IFT57: variants seen among roughly 807,000 people sequenced by gnomAD.
The protein encoded by IFT57 is intraflagellar transport protein 57 homolog.
Under a neutral mutation model 56.8 loss-of-function variants are expected in IFT57, and 59 were observed. The observed-to-expected ratio is 1.04, with a 90% CI of 0.84 to 1.29. IFT57 has a LOEUF of 1.29. IFT57 is among the 50% of genes most tolerant of loss of function. The pLI, the probability that IFT57 is intolerant of heterozygous loss-of-function variation, is 0.00. For missense variants in IFT57, 470 were observed against 522.1 expected, an observed-to-expected ratio of 0.90 and a Z score of 0.97; for synonymous variants, 209 against 186.1, an observed-to-expected ratio of 1.12 and a Z score of -1.00.
At position 108,218,754 on chromosome 3, in the gene IFT57, T is replaced by G. The variant is rs1412502320; in HGVS notation, c.376-101A>C. ...GCTGAATGGATGTATCACTTTTCTT[T>G]CAAATGATTTACAATAACTGTAATT... On this transcript the variant is annotated intron_variant, in intron 2 of 10. Coordinates refer to ENST00000264538, the MANE Select transcript of IFT57 (RefSeq NM_018010.4). The G allele has an allele frequency of 1.5e-5, 8 of 528,266 alleles. No individual in the cohort carries two copies. The African/African-American group carries it at 1.6e-4, about 11-fold the overall frequency. The allele number at this position is 528,266 out of a possible 1,614,324, so 32.7% of individuals were successfully genotyped here. A position where few individuals can be genotyped will look rare whatever the true frequency, so the allele number is the denominator to read the frequency against.
At chr3:108,163,974 C>T (rs1488976172) in intron 9 of IFT57, among the ~76,000 whole-genome samples, 1 of 151,946 alleles carries the variant, frequency 6.6e-6, no homozygotes, top group Non-Finnish European at 1.5e-5. Context: ...TCTCATGTTG[C>T]AATATACTAA....
At position 108,160,873 on chromosome 3, in the gene IFT57, C is replaced by G. The variant is rs1262314193; in HGVS notation, c.*1604G>C. 1 of 152,170 alleles carries G rather than the reference C, an allele frequency of 6.6e-6. No homozygotes were observed. Among genetic ancestry groups the G allele is most frequent in the Non-Finnish European group, 1.5e-5 (1 of 68,026 alleles). The allele number at this position is 152,170 out of a possible 1,614,324, so 9.4% of individuals were successfully genotyped here. A position where few individuals can be genotyped will look rare whatever the true frequency, so the allele number is the denominator to read the frequency against. On this transcript the variant is annotated 3_prime_UTR_variant, in exon 11 of 11. Coordinates refer to ENST00000264538, the MANE Select transcript of IFT57 (RefSeq NM_018010.4). ...GTTCTATAGGAAGAGAGGAGGAGCA[C>G]AGAACCCAAGCTGAGTTAACTGGAA...
Position 108,161,871 on chromosome 3 carries a change from T to C in IFT57, c.*606A>G, listed in dbSNP as rs1262605992. 6.6e-6 allele frequency: 1 copy of C among 152,224 alleles called. No homozygotes were observed. Among genetic ancestry groups the C allele is most frequent in the Non-Finnish European group, 1.5e-5 (1 of 68,042 alleles). The allele number at this position is 152,224 out of a possible 1,614,324, so 9.4% of individuals were successfully genotyped here. A position where few individuals can be genotyped will look rare whatever the true frequency, so the allele number is the denominator to read the frequency against. On this transcript the variant is annotated 3_prime_UTR_variant, in exon 11 of 11. Coordinates refer to ENST00000264538, the MANE Select transcript of IFT57 (RefSeq NM_018010.4). ...ACTTATCATCATTCATTTATCCTTT[T>C]ATTTAGTGGCTTAGATCCTAGAAGA...
At chr3:108,200,280 T>G (rs931527611) in intron 5 of IFT57, among the ~76,000 whole-genome samples, 3 of 152,152 alleles carry the variant, frequency 2.0e-5, no homozygotes, top group Non-Finnish European at 2.9e-5. Context: ...TACTGTCATA[T>G]AATCCAGACA....
At chr3:108,172,151 T>C (rs116465709) in intron 6 of IFT57, among the ~76,000 whole-genome samples, 1,536 of 151,928 alleles carry the variant, frequency 0.01, 19 homozygotes, top group African/African-American at 0.035. Flanking sequence ...TAAAACTCCA[T>C]GGAGGGGCTG....
At chr3:108,218,439 A>G (rs1289760) in intron 3 of IFT57, 96 bp downstream of exon 3, 464,306 of 519,774 alleles carry the variant, frequency 0.89, 212,562 homozygotes, top group Non-Finnish European at 0.97. Context: ...ATAGTCAAAA[A>G]GAATAATTCT....
At chr3:108,170,968 G>C (rs2080089163) in intron 6 of IFT57, among the ~76,000 whole-genome samples, 1 of 151,848 alleles carries the variant, frequency 6.6e-6, no homozygotes, top group African/African-American at 2.4e-5. Context: ...CATTGTAAAA[G>C]AAAAATACAG....
intron 6 of IFT57, among the ~76,000 whole-genome samples, chr3:108,171,942 T>C (rs2080095055): frequency 7.3e-6 from 1 of 137,266 alleles, no homozygotes; most frequent in South Asian, 2.4e-4. Flanking sequence ...TATATGTATT[T>C]AGAAAAATGC....
intron 6 of IFT57, among the ~76,000 whole-genome samples, chr3:108,173,396 G>T (rs900235314): frequency 6.6e-6 from 1 of 151,594 alleles, no homozygotes. Context: ...TTTATTATTG[G>T]GCTTCATAAT....
chr3:108,173,212 T>G (rs2080103894), intron 6 of IFT57, among the ~76,000 whole-genome samples: 1 of 151,696 alleles, frequency 6.6e-6, no homozygotes, highest in Non-Finnish European at 1.5e-5. Flanking sequence ...GGAAACCAAG[T>G]AAAACTCAGT....
chr3:108,207,587 T>C (rs2080320470), intron 4 of IFT57, among the ~76,000 whole-genome samples: 1 of 152,188 alleles, frequency 6.6e-6, no homozygotes, highest in Admixed American at 6.5e-5. Context: ...TGTAGAACTA[T>C]ACAAAGCTGT....
chr3:108,162,722 T>C, intron 10 of IFT57, 67 bp from the exon 11 acceptor site: 4 of 1,258,770 alleles, frequency 3.2e-6, no homozygotes, highest in Admixed American at 3.0e-5. Flanking sequence ...CAGAATTGTA[T>C]GACATTTTCC....
At chr3:108,206,026 G>A (rs1239985927) in intron 5 of IFT57, among the ~76,000 whole-genome samples, 11,475 of 113,826 alleles carry the variant, frequency 0.1, 606 homozygotes, top group East Asian at 0.12. Flanking sequence ...ATAATATATT[G>A]TATATTATTT....
At position 108,222,304 on chromosome 3, in the gene IFT57, C is replaced by A; in HGVS notation, c.19G>T (p.Val7Phe). MTAALA[V>F]VTTSGLEDGV... ...TCTTCCAAACCCGACGTCGTGACGA[C>A]GGCCAGAGCAGCAGTCATCGCAGAA... Residue 7 changes from valine to phenylalanine, a missense_variant, in exon 1 of 11, where the codon GTC becomes TTC. Physicochemically the swap from Val to Phe is conservative, Grantham distance 50. Transcript: ENST00000264538. 6.2e-7 allele frequency: 1 copy of A among 1,612,428 alleles called. No individual in the cohort carries two copies. Among genetic ancestry groups the A allele is most frequent in the Non-Finnish European group, 8.5e-7 (1 of 1,179,256 alleles).
chr3:108,183,426 G>A (rs1445324173), intron 6 of IFT57, among the ~76,000 whole-genome samples: 1 of 152,056 alleles, frequency 6.6e-6, no homozygotes, highest in Non-Finnish European at 1.5e-5. Flanking sequence ...AATGACTGCT[G>A]GCTTCCCCAC....
intron 3 of IFT57, among the ~76,000 whole-genome samples, chr3:108,215,711 C>T (rs1366283161): frequency 6.6e-6 from 1 of 152,102 alleles, no homozygotes; most frequent in East Asian, 1.9e-4. Context: ...TTCATTTTGA[C>T]ATTTAGATAT....
Position 108,219,488 on chromosome 3 carries a change from T to A in IFT57, c.297A>T (p.Gly99=), listed in dbSNP as rs2080392885. Residue 99 remains glycine, a synonymous_variant, in exon 2 of 11, where the codon GGA becomes GGT. Transcript: ENST00000264538. ...ATTCTTGAGGCTGCTCAAAGGGACG[T>A]CCCGCTTTATTAATCAACCAAGCAG... is the stretch of plus-strand genomic sequence containing the variant. ...TLAAWLINKA[G]RPFEQPQEYD... 5.0e-6 allele frequency: 8 copies of A among 1,613,764 alleles called. No homozygotes were observed. In the South Asian group the frequency reaches 8.8e-5, roughly 18 times the overall value.
chr3:108,166,972 T>C lies in IFT57; in HGVS notation c.863A>G (p.Lys288Arg), dbSNP rs761783239. 3 of 1,607,406 alleles carry C rather than the reference T, an allele frequency of 1.9e-6. No homozygotes were observed. Among genetic ancestry groups the C allele is most frequent in the East Asian group, 4.5e-5 (2 of 44,736 alleles). ...ALKETKGFLD[K>R]LHNEITRTLE... ...AGTCCTAGTAATTTCATTATGGAGTTTGTCCAAAAATCCCTAGAAATTCCA... is the reference window on the plus strand; with the variant it reads ...AGTCCTAGTAATTTCATTATGGAGTCTGTCCAAAAATCCCTAGAAATTCCA... The change falls in exon 8 of 11, where the codon AAA becomes AGA. Residue 288 changes from lysine (K) to arginine (R), a missense_variant. Physicochemically the swap from Lys to Arg is conservative, Grantham distance 26 (BLOSUM62 2). Transcript: ENST00000264538.
At chr3:108,172,806 G>A (rs963475501) in intron 6 of IFT57, among the ~76,000 whole-genome samples, 6 of 151,910 alleles carry the variant, frequency 3.9e-5, no homozygotes, top group Middle Eastern at 3.4e-3. Context: ...GAACAGCAGA[G>A]ATTTTAGGGA....
Sources: gnomAD v4.1 joint callset for allele counts (sites outside exome capture counted in the v4.1 genomes callset) on GRCh38, gnomAD v4.1.1 for gene constraint, MANE v1.5 for transcripts, NCBI Gene and HGNC (gene_info 2026-07-23, HGNC 2026-07-21) for gene names.